KIF26B: variants seen among roughly 807,000 people sequenced by gnomAD.
KIF26B encodes kinesin-like protein KIF26B.
KIF26B carries 63 observed loss-of-function variants against 151.2 expected under a neutral mutation model. That is an observed-to-expected ratio of 0.42 (90% confidence interval 0.34 to 0.51). The LOEUF (loss-of-function observed/expected upper bound fraction) is 0.51. KIF26B is among the 20% of genes least tolerant of loss of function. The probability of loss-of-function intolerance (pLI) is 0.07; values close to 1 mark genes in which losing one functional copy is unlikely to be tolerated. For missense variants in KIF26B, 2,813 were observed against 2,913.6 expected, an observed-to-expected ratio of 0.97 and a Z score of 0.79; for synonymous variants, 1,357 against 1,262.1, an observed-to-expected ratio of 1.08 and a Z score of -1.59.
At chr1:245,433,999 A>G (rs932270745) in intron 4 of KIF26B, among the ~76,000 whole-genome samples, 4 of 152,202 alleles carry the variant, frequency 2.6e-5, no homozygotes, top group Non-Finnish European at 5.9e-5. Flanking sequence ...TTTTTTTAAA[A>G]AATGAACAAA....
chr1:245,473,684 G>C (rs1350964576), intron 4 of KIF26B, among the ~76,000 whole-genome samples: 1 of 151,866 alleles, frequency 6.6e-6, no homozygotes, highest in Non-Finnish European at 1.5e-5. Context: ...AAATATACTT[G>C]AAATACTTTC....
intron 2 of KIF26B, among the ~76,000 whole-genome samples, chr1:245,264,433 C>G (rs1399432451): frequency 6.6e-6 from 1 of 152,114 alleles, no homozygotes; most frequent in East Asian, 1.9e-4. Flanking sequence ...CCCCAAATGA[C>G]TACATCTTTG....
intron 2 of KIF26B, among the ~76,000 whole-genome samples, chr1:245,310,820 G>A (rs1405212417): frequency 2.6e-5 from 4 of 152,136 alleles, no homozygotes; most frequent in Non-Finnish European, 4.4e-5. Context: ...CCGCTGGGCC[G>A]GCACTGTGGA....
At chr1:245,558,298 C>G (rs940503596) in intron 5 of KIF26B, among the ~76,000 whole-genome samples, 1 of 152,222 alleles carries the variant, frequency 6.6e-6, no homozygotes, top group Admixed American at 6.5e-5. Flanking sequence ...GGGGCTGGCT[C>G]CCTGGCCTCT....
rs1288514038 is a variant in KIF26B at position 245,602,497 on chromosome 1, A to G, written c.1351-80A>G. 19 of 1,078,648 alleles carry G rather than the reference A, an allele frequency of 1.8e-5. No individual in the cohort carries two copies. Among genetic ancestry groups the G allele is most frequent in the Non-Finnish European group, 2.6e-5 (19 of 721,064 alleles). The allele number at this position is 1,078,648 out of a possible 1,614,324, so 66.8% of individuals were successfully genotyped here. A position where few individuals can be genotyped will look rare whatever the true frequency, so the allele number is the denominator to read the frequency against. ...GTTCAGTGCTGCCATGTGCATGTAT[A>G]TCGCAGAGTATACAAGGGTGCTCCA... On this transcript the variant is annotated intron_variant, in intron 5 of 14. Transcript: ENST00000407071. This position sits in a 1 kb window ranked among gnomAD's most constrained non-coding sequence, Gnocchi z 4.5.
At chr1:245,294,772 C>G (rs930848279) in intron 2 of KIF26B, among the ~76,000 whole-genome samples, 2 of 152,110 alleles carry the variant, frequency 1.3e-5, no homozygotes, top group Admixed American at 1.3e-4. Flanking sequence ...AAGCAATTCT[C>G]CTGTCTCAGC....
rs549006598 is a variant in KIF26B, at chr1:245,270,989, T to TA, written c.466-95844dup. Among the ~76,000 whole-genome samples the TA allele has an allele frequency of 1.9e-3, 282 of 152,298 alleles. 1 individual carries two copies. The highest frequency in any genetic ancestry group is 5.3e-3 in the African/African-American group (220 of 41,592). On this transcript the variant is annotated intron_variant, in intron 2 of 14. Coordinates refer to ENST00000407071, the MANE Select transcript of KIF26B (RefSeq NM_018012.4). ...TTTGCATGTGGGTATCTAGTTTTCC[T>TA]AGCACCACTTTGTGAGACAATCCTT... is the stretch of plus-strand genomic sequence containing the variant.
At position 245,209,005 on chromosome 1, in the gene KIF26B, A is replaced by G. The variant is rs147661914; in HGVS notation, c.465+52322A>G. 5.5e-3 allele frequency among the ~76,000 whole-genome samples: 845 copies of G among 152,296 alleles called. 7 individuals carry two copies. The highest frequency in any genetic ancestry group is 0.019 in the African/African-American group (771 of 41,570). On this transcript the variant is annotated intron_variant, in intron 2 of 14. Transcript: ENST00000407071. ...TGGGTATTTATTAGATGCCATTGCT[A>G]TTTAGTTCTTCGCCAGACTGTAAGT...
At chr1:245,491,022 A>G (rs945458065) in intron 4 of KIF26B, among the ~76,000 whole-genome samples, 1 of 152,150 alleles carries the variant, frequency 6.6e-6, no homozygotes, top group Non-Finnish European at 1.5e-5. Flanking sequence ...TTTAATGGAA[A>G]ATTTGAACAC....
chr1:245,193,469 T>TA lies in KIF26B; in HGVS notation c.465+36786_465+36787insA, dbSNP rs1207829302. 1.7e-3 allele frequency among the ~76,000 whole-genome samples: 251 copies of TA among 150,412 alleles called. 1 individual carries two copies. Among genetic ancestry groups the TA allele is most frequent in the African/African-American group, 6.1e-3 (241 of 39,834 alleles). On this transcript the variant is annotated intron_variant, in intron 2 of 14. Transcript: ENST00000407071. ...TCAATTGGTTTGAAAGCTTAGGCTT[T>TA]CCTTTTTAAATAAACCGGAAAGCTT...
At chr1:245,474,109 CCT>C (rs1491321019) in intron 4 of KIF26B, among the ~76,000 whole-genome samples, 1 of 75,574 alleles carries the variant, frequency 1.3e-5, no homozygotes, top group African/African-American at 5.5e-5. Flanking sequence ...AACAGTAGGT[CCT>C]TTTTTTTTTT....
intron 2 of KIF26B, among the ~76,000 whole-genome samples, chr1:245,245,607 A>T (rs931617401): frequency 3.3e-5 from 5 of 152,096 alleles, no homozygotes; most frequent in African/African-American, 1.2e-4. Flanking sequence ...CCTGGCCAAC[A>T]TGGTGAAACC....
At chr1:245,627,476 C>G (rs558219735) in intron 9 of KIF26B, among the ~76,000 whole-genome samples, 1 of 151,920 alleles carries the variant, frequency 6.6e-6, no homozygotes. Context: ...TCTGGGACAC[C>G]GCTAAAGCAG....
chr1:245,281,539 C>A (rs1671052914), intron 2 of KIF26B, among the ~76,000 whole-genome samples: 1 of 116,738 alleles, frequency 8.6e-6, no homozygotes, highest in Non-Finnish European at 1.7e-5. Flanking sequence ...CGAAAATTTT[C>A]TCCCATTTTG....
chr1:245,160,589 C>G (rs1370955886), intron 2 of KIF26B, among the ~76,000 whole-genome samples: 2 of 152,096 alleles, frequency 1.3e-5, no homozygotes, highest in Non-Finnish European at 2.9e-5. Context: ...CAGTAAAGCT[C>G]CAGGTTGGCA....
chr1:245,590,267 G>T lies in KIF26B; in HGVS notation c.1351-12310G>T, dbSNP rs372776669. Among the ~76,000 whole-genome samples the T allele has an allele frequency of 2.3e-4, 34 of 150,490 alleles. No individual in the cohort carries two copies. In the East Asian group the frequency reaches 6.7e-3, roughly 30 times the overall value. On this transcript the variant is annotated intron_variant, in intron 5 of 14. Coordinates refer to ENST00000407071, the MANE Select transcript of KIF26B (RefSeq NM_018012.4). ...CGTGCCGCGCATGCGCAGGGTCCCGGGGTCCCTGGGGTCCCGGGTTTGTGC... is the reference window on the plus strand; with the variant it reads ...CGTGCCGCGCATGCGCAGGGTCCCGTGGTCCCTGGGGTCCCGGGTTTGTGC...
intron 2 of KIF26B, among the ~76,000 whole-genome samples, chr1:245,250,211 A>G (rs1055065082): frequency 2.0e-5 from 3 of 152,102 alleles, no homozygotes; most frequent in Non-Finnish European, 4.4e-5. Context: ...AGCCTCCTAC[A>G]TACTTTTATG....
intron 10 of KIF26B, among the ~76,000 whole-genome samples, chr1:245,670,248 AT>A: frequency 1.4e-4 from 2 of 14,074 alleles, no homozygotes; most frequent in African/African-American, 1.7e-3. Flanking sequence ...GTATATCCAT[AT>A]ATATATATAT....
At chr1:245,635,140 T>C (rs1033589382) in intron 9 of KIF26B, among the ~76,000 whole-genome samples, 1 of 149,184 alleles carries the variant, frequency 6.7e-6, no homozygotes, top group African/African-American at 2.5e-5. Flanking sequence ...TTGCTTTTGG[T>C]ATCAGATTAG....
Sources: allele counts gnomAD v4.1 joint callset (sites outside exome capture counted in the v4.1 genomes callset), GRCh38; gene constraint gnomAD v4.1.1; non-coding constraint Gnocchi (gnomAD v3.1); transcripts MANE v1.5; gene names NCBI Gene and HGNC (gene_info 2026-07-23, HGNC 2026-07-21).